The following ANKS6 variants were observed in gnomAD, a reference collection of about 807,000 sequenced individuals.
ANKS6 encodes the protein ankyrin repeat and sterile alpha motif domain containing 6, also known as ankyrin repeat and SAM domain-containing protein 6.
ANKS6 carries 47 observed loss-of-function variants against 77.9 expected under a neutral mutation model. The observed-to-expected ratio is 0.60, with a 90% CI of 0.48 to 0.77. The LOEUF is 0.77. Among genes scored for constraint, ANKS6 ranks in the 30% least tolerant of loss-of-function variants. The pLI is 0.00. For synonymous variants in ANKS6, 488 were observed against 501.7 expected, an observed-to-expected ratio of 0.97 and a Z score of 0.37; for missense variants, 1,150 against 1,159.1, an observed-to-expected ratio of 0.99 and a Z score of 0.11.
intron 11 of ANKS6, 43 bp downstream of exon 11, chr9:98,768,038 G>C (rs757258263): frequency 1.3e-5 from 20 of 1,566,006 alleles, no homozygotes; most frequent in Admixed American, 5.7e-5. Context: ...TGTTAGAACA[G>C]AATCTGTGAG....
chr9:98,790,716 G>A lies in ANKS6; in HGVS notation c.360-110C>T. On this transcript the variant is annotated intron_variant, in intron 1 of 14. Transcript: ENST00000353234. ...TAGTCCTGACAGCTGCTCATGATAA[G>A]AGGTCTTATTCTGGCGCCAGGCACT... The A allele has an allele frequency of 7.0e-6, 10 of 1,421,482 alleles. No homozygotes were observed. In the South Asian group the frequency reaches 1.2e-4, roughly 17 times the overall value. 88.1% of individuals were successfully genotyped at this position (1,421,482 alleles called of 1,614,324 possible). A position where few individuals can be genotyped will look rare whatever the true frequency, so the allele number is the denominator to read the frequency against.
intron 12 of ANKS6, among the ~76,000 whole-genome samples, chr9:98,752,775 T>C (rs1832500081): frequency 6.6e-6 from 1 of 152,204 alleles, no homozygotes; most frequent in South Asian, 2.1e-4. Context: ...AGGCCTGTGC[T>C]AGGCGCCCAC....
chr9:98,772,752 CT>C (rs1833710164), intron 9 of ANKS6, among the ~76,000 whole-genome samples: 1 of 152,188 alleles, frequency 6.6e-6, no homozygotes. Context: ...CTGCACTCCA[CT>C]GGGGAGAAAA....
intron 1 of ANKS6, chr9:98,795,857 T>C (rs541897348): frequency 2.0e-5 from 6 of 302,718 alleles, no homozygotes; most frequent in Non-Finnish European, 3.6e-5. Context: ...AAGAAATGAA[T>C]TAAATCTCTA....
At chr9:98,789,702 G>A (rs989287386) in intron 2 of ANKS6, among the ~76,000 whole-genome samples, 3 of 152,136 alleles carry the variant, frequency 2.0e-5, no homozygotes, top group Admixed American at 2.0e-4. Flanking sequence ...CATATGTAAG[G>A]CTGCTTTCAC....
At chr9:98,755,828 A>C (rs909523851) in intron 12 of ANKS6, among the ~76,000 whole-genome samples, 6 of 152,166 alleles carry the variant, frequency 3.9e-5, no homozygotes, top group African/African-American at 1.4e-4. Context: ...CAGCCAAGCC[A>C]ATGGCCTTTA....
At chr9:98,747,020 C>T (rs1832171718) in intron 13 of ANKS6, among the ~76,000 whole-genome samples, 1 of 152,152 alleles carries the variant, frequency 6.6e-6, no homozygotes, top group Non-Finnish European at 1.5e-5. Flanking sequence ...TGGGCAGGTG[C>T]CTTACCTCAG....
At chr9:98,786,874 G>A (rs1266269573) in intron 2 of ANKS6, among the ~76,000 whole-genome samples, 1 of 152,138 alleles carries the variant, frequency 6.6e-6, no homozygotes, top group Admixed American at 6.5e-5. Flanking sequence ...AGAGGCAGGG[G>A]CAGCTGTGTC....
At chr9:98,751,743 A>G (rs766411243) in intron 12 of ANKS6, among the ~76,000 whole-genome samples, 1 of 152,172 alleles carries the variant, frequency 6.6e-6, no homozygotes, top group Non-Finnish European at 1.5e-5. Context: ...GGGATTTGCC[A>G]AACTAGGAAC....
intron 13 of ANKS6, among the ~76,000 whole-genome samples, chr9:98,748,612 T>C (rs949179329): frequency 6.6e-5 from 10 of 152,260 alleles, no homozygotes; most frequent in South Asian, 2.1e-4. Flanking sequence ...GTCTGGAATG[T>C]GGATGTGATG....
intron 11 of ANKS6, among the ~76,000 whole-genome samples, chr9:98,759,799 T>C (rs1203459770): frequency 1.3e-5 from 2 of 151,996 alleles, no homozygotes; most frequent in Non-Finnish European, 2.9e-5. Context: ...AGATGATCAA[T>C]GTAAGTAAAA....
intron 11 of ANKS6, among the ~76,000 whole-genome samples, chr9:98,760,589 A>G (rs932116810): frequency 6.6e-6 from 1 of 152,254 alleles, no homozygotes; most frequent in African/African-American, 2.4e-5. Context: ...CTTCACTGTT[A>G]TCACATATCC....
At chr9:98,793,384 T>C (rs1470622101) in intron 1 of ANKS6, among the ~76,000 whole-genome samples, 1 of 152,218 alleles carries the variant, frequency 6.6e-6, no homozygotes, top group Non-Finnish European at 1.5e-5. Flanking sequence ...GTTCCTCAAT[T>C]CCTCATTTAT....
rs1831532058 is a variant in ANKS6, at chr9:98,736,896, G to A, written c.2512-273C>T. On this transcript the variant is annotated intron_variant, in intron 14 of 14. Transcript: ENST00000353234. ...TGGACAGAGTGGGAGGCCGAGTCCG[G>A]GGCAGGACTGACTTCTCCCGAGTCG... Among the ~76,000 whole-genome samples the A allele has an allele frequency of 2.0e-5, 3 of 152,202 alleles. No individual in the cohort carries two copies. The South Asian group carries it at 6.2e-4, about 31-fold the overall frequency.
In ANKS6 at chr9:98,773,983, G is replaced by C. The variant is rs1331669247; in HGVS notation, c.1715C>G (p.Ser572Cys). Residue 572 changes from serine (S) to cysteine (C), a missense_variant, in exon 9 of 15, where the codon TCT becomes TGT. Transcript: ENST00000353234. ...LPPSSFELWSSDRSRTRHNGK... is the reference protein window; with the variant it reads ...LPPSSFELWSCDRSRTRHNGK... ...GTTGTGACGCGTCCGGGACCGATCA[G>C]AGCTCCACAGCTCAAAACTGGAAGG... The C allele has an allele frequency of 1.3e-6, 2 of 1,589,714 alleles. No homozygotes were observed. Among genetic ancestry groups the C allele is most frequent in the African/African-American group, 1.4e-5 (1 of 73,804 alleles).
chr9:98,773,273 A>G (rs1404136655), intron 9 of ANKS6, among the ~76,000 whole-genome samples: 1 of 152,182 alleles, frequency 6.6e-6, no homozygotes, highest in Non-Finnish European at 1.5e-5. Context: ...CGTTTCTCCA[A>G]TCACCCAGCA....
chr9:98,778,465 G>T, intron 6 of ANKS6, 41 bp from the exon 7 acceptor site: 1 of 1,599,730 alleles, frequency 6.3e-7, no homozygotes, highest in South Asian at 1.1e-5. Flanking sequence ...CTCCAGGAAG[G>T]GCAAGGAGAC....
Position 98,796,484 on chromosome 9 carries a change from T to G in ANKS6, c.8A>C (p.Glu3Ala). 1 of 989,214 alleles carries G rather than the reference T, an allele frequency of 1.0e-6. No individual in the cohort carries two copies. The highest frequency in any genetic ancestry group is 1.2e-6 in the Non-Finnish European group (1 of 834,324). 61.3% of individuals were successfully genotyped at this position (989,214 alleles called of 1,614,324 possible). The change falls in exon 1 of 15, where the codon GAG becomes GCG. Residue 3 changes from glutamate to alanine, a missense_variant. Transcript: ENST00000353234. Reference sequence around the variant, plus strand: ...CTGGAAGGCCGGGGGCAGCCCGCCCTCGCCCATCGCCGCCGCCACGCGCGG... The same window carrying G: ...CTGGAAGGCCGGGGGCAGCCCGCCCGCGCCCATCGCCGCCGCCACGCGCGG... MG[E>A]GGLPPAFQLL...
chr9:98,785,237 T>C (rs1834501110), intron 2 of ANKS6, among the ~76,000 whole-genome samples: 2 of 152,230 alleles, frequency 1.3e-5, no homozygotes, highest in Non-Finnish European at 2.9e-5. Flanking sequence ...ATGGACATTG[T>C]TTAAAAATTT....
Sources: allele counts gnomAD v4.1 joint callset (sites outside exome capture counted in the v4.1 genomes callset), GRCh38; gene constraint gnomAD v4.1.1; transcripts MANE v1.5; gene names NCBI Gene and HGNC (gene_info 2026-07-23, HGNC 2026-07-21).